Variants in CSMD1 observed in about 807,000 individuals in gnomAD.
CSMD1 encodes the protein CUB and sushi domain-containing protein 1.
In CSMD1, 213 loss-of-function variants were observed where a neutral mutation model predicts 417.5. That is an observed-to-expected ratio of 0.51 (90% CI 0.46 to 0.57). The LOEUF (loss-of-function observed/expected upper bound fraction) is 0.57. Among genes scored for constraint, CSMD1 ranks in the 20% least tolerant of loss-of-function variants. The probability of loss-of-function intolerance (pLI) is 0.00; values close to 1 mark genes in which losing one functional copy is unlikely to be tolerated. For synonymous variants in CSMD1, 2,862 were observed against 1,736.8 expected, an observed-to-expected ratio of 1.65 and a Z score of -16.11; for missense variants, 6,923 against 4,529.7, an observed-to-expected ratio of 1.53 and a Z score of -15.17.
chr8:4,540,442 C>A (rs116265727), intron 2 of CSMD1, among the ~76,000 whole-genome samples: 30 of 152,200 alleles, frequency 2.0e-4, no homozygotes, highest in African/African-American at 6.7e-4. Context: ...GTGGCTCATG[C>A]CTGTAATTCC....
chr8:3,863,294 G>A (rs1386176016), intron 5 of CSMD1, among the ~76,000 whole-genome samples: 1 of 151,992 alleles, frequency 6.6e-6, no homozygotes, highest in African/African-American at 2.4e-5. Context: ...CTACTCAGGA[G>A]GCTGAGGCAG....
At chr8:4,611,326 A>G (rs1165642581) in intron 2 of CSMD1, among the ~76,000 whole-genome samples, 1 of 152,180 alleles carries the variant, frequency 6.6e-6, no homozygotes. Context: ...CCCTCTTTGA[A>G]GACTACACAA....
intron 5 of CSMD1, among the ~76,000 whole-genome samples, chr8:3,881,720 T>A (rs1264206060): frequency 2.0e-5 from 3 of 150,882 alleles, no homozygotes; most frequent in African/African-American, 7.3e-5. Context: ...GCTTGGGGCC[T>A]TACACTACCA....
At chr8:4,238,043 T>C (rs1554503853) in intron 3 of CSMD1, among the ~76,000 whole-genome samples, 2 of 152,164 alleles carry the variant, frequency 1.3e-5, no homozygotes, top group Non-Finnish European at 1.5e-5. Context: ...AGCACGTTGC[T>C]TAGTTTTTCT....
chr8:3,458,080 A>G (rs546851793), intron 12 of CSMD1, among the ~76,000 whole-genome samples: 2 of 152,326 alleles, frequency 1.3e-5, no homozygotes, highest in South Asian at 2.1e-4. Flanking sequence ...TCTCCCAGGA[A>G]GTTTGCTCTA....
intron 25 of CSMD1, among the ~76,000 whole-genome samples, chr8:3,286,289 G>A (rs898852764): frequency 3.9e-5 from 6 of 152,074 alleles, no homozygotes; most frequent in Non-Finnish European, 7.3e-5. Flanking sequence ...ATAAACATAC[G>A]TGTGCATGTG....
At chr8:3,196,150 C>T (rs1200939010) in intron 33 of CSMD1, among the ~76,000 whole-genome samples, 1 of 152,128 alleles carries the variant, frequency 6.6e-6, no homozygotes, top group South Asian at 2.1e-4. Flanking sequence ...TCATTATATA[C>T]TAATTATAAT....
chr8:3,806,429 G>T (rs1048296835), intron 5 of CSMD1, among the ~76,000 whole-genome samples: 5 of 152,204 alleles, frequency 3.3e-5, no homozygotes, highest in African/African-American at 9.7e-5. Context: ...TCCTGATACG[G>T]CCATGGCCTG....
intron 1 of CSMD1, among the ~76,000 whole-genome samples, chr8:4,967,640 T>C (rs1016595327): frequency 1.3e-5 from 2 of 152,198 alleles, no homozygotes; most frequent in Non-Finnish European, 2.9e-5. Context: ...AGTTCTTAAA[T>C]GATTTTATTC....
At chr8:4,491,127 ATC>A (rs1801676194) in intron 2 of CSMD1, among the ~76,000 whole-genome samples, 1 of 152,190 alleles carries the variant, frequency 6.6e-6, no homozygotes, top group Non-Finnish European at 1.5e-5. Context: ...CAATGAAATA[ATC>A]TCTACAACAA....
intron 2 of CSMD1, among the ~76,000 whole-genome samples, chr8:4,429,577 C>G (rs1233505648): frequency 6.6e-6 from 1 of 152,086 alleles, no homozygotes; most frequent in African/African-American, 2.4e-5. Flanking sequence ...TTGGTCCATA[C>G]TGATTTAGGA....
At chr8:4,332,700 A>T (rs10091134) in intron 3 of CSMD1, among the ~76,000 whole-genome samples, 24 of 149,278 alleles carry the variant, frequency 1.6e-4, no homozygotes, top group Non-Finnish European at 1.5e-5. Context: ...ATTAAATTAC[A>T]TGAAAAAGTA....
At chr8:3,139,630 T>C (rs1484318036) in intron 41 of CSMD1, among the ~76,000 whole-genome samples, 4 of 152,288 alleles carry the variant, frequency 2.6e-5, no homozygotes, top group South Asian at 2.1e-4. Context: ...TCTGGAACTA[T>C]GTTTTAGAAA....
At chr8:4,529,208 A>G (rs561962057) in intron 2 of CSMD1, among the ~76,000 whole-genome samples, 67 of 152,276 alleles carry the variant, frequency 4.4e-4, no homozygotes, top group South Asian at 1.0e-3. Flanking sequence ...AACTCTTATC[A>G]GGACAATATT....
At chr8:4,421,461 A>G (rs1797244903) in intron 2 of CSMD1, among the ~76,000 whole-genome samples, 2 of 152,154 alleles carry the variant, frequency 1.3e-5, no homozygotes, top group Admixed American at 6.6e-5. Flanking sequence ...ACTATATAAA[A>G]TAACTGAAAT....
intron 50 of CSMD1, among the ~76,000 whole-genome samples, chr8:3,048,293 A>C (rs1029199082): frequency 6.6e-6 from 1 of 152,214 alleles, no homozygotes; most frequent in Non-Finnish European, 1.5e-5. Flanking sequence ...TATATTAAAT[A>C]CATTTTGAAA....
intron 3 of CSMD1, among the ~76,000 whole-genome samples, chr8:4,304,111 C>A (rs1268278149): frequency 6.6e-6 from 1 of 152,024 alleles, no homozygotes; most frequent in African/African-American, 2.4e-5. Context: ...TAAAATTAAC[C>A]ACTGTTATTT....
chr8:4,467,389 T>C (rs1392692447), intron 2 of CSMD1, among the ~76,000 whole-genome samples: 2 of 152,144 alleles, frequency 1.3e-5, no homozygotes, highest in Non-Finnish European at 2.9e-5. Flanking sequence ...CATTCCCTGC[T>C]CATCTCCTCC....
chr8:4,631,070 A>C (rs1247400829), intron 2 of CSMD1, among the ~76,000 whole-genome samples: 1 of 152,188 alleles, frequency 6.6e-6, no homozygotes, highest in Non-Finnish European at 1.5e-5. Context: ...CCAAGCTAAA[A>C]ATAAAATGAA....
Sources: gnomAD v4.1 joint callset for allele counts (sites outside exome capture counted in the v4.1 genomes callset) on GRCh38, gnomAD v4.1.1 for gene constraint, MANE v1.5 for transcripts, NCBI Gene and HGNC (gene_info 2026-07-23, HGNC 2026-07-21) for gene names.